Variants in MYL7 observed in about 807,000 individuals in gnomAD.
MYL7 encodes myosin regulatory light chain 2, atrial isoform.
A neutral mutation model predicts 22.5 loss-of-function variants in MYL7; 27 were observed. That is an observed-to-expected ratio of 1.20 (90% CI 0.89 to 1.66). The LOEUF is 1.66. Ranked by LOEUF, MYL7 falls within the 40% of genes most tolerant of loss-of-function variation. The probability of loss-of-function intolerance (pLI) is 0.00; values close to 1 mark genes in which losing one functional copy is unlikely to be tolerated. For missense variants in MYL7, 209 were observed against 226.8 expected (o/e 0.92, Z 0.50); for synonymous variants, 81 against 84.4 (o/e 0.96, Z 0.22).
Position 44,140,863 on chromosome 7 carries a change from G to T in MYL7, c.118-76C>A, listed in dbSNP as rs545291990. ...TGGGAGGTGGGGGAGAGACCTGGGT[G>T]GTGTGAGAGGCAAGGTCAGGGTAGA... On this transcript the variant is annotated intron_variant, in intron 2 of 6. Coordinates refer to ENST00000223364, the MANE Select transcript of MYL7 (RefSeq NM_021223.3). The T allele has an allele frequency of 1.3e-5, 21 of 1,590,678 alleles. No individual in the cohort carries two copies. In the African/African-American group the frequency reaches 2.4e-4, roughly 19 times the overall value.
At chr7:44,139,657 A>C in intron 5 of MYL7, 88 bp from the exon 6 acceptor site, 1 of 1,570,686 alleles carries the variant, frequency 6.4e-7, no homozygotes, top group Non-Finnish European at 8.7e-7. Flanking sequence ...GGCGCAGGGA[A>C]GGGTTGGCTG....
Position 44,141,146 on chromosome 7 carries a change from C to T in MYL7, c.4-72G>A. On this transcript the variant is annotated intron_variant, in intron 1 of 6. Transcript: ENST00000223364. ...GTCTCCCCACCCCACCCATCATGCA[C>T]AGTCCCAGAGCATTCCCAGGAGAGC... 5 of 1,574,756 alleles carry T rather than the reference C, an allele frequency of 3.2e-6. No individual in the cohort carries two copies. In the South Asian group the frequency reaches 4.4e-5, roughly 14 times the overall value.
intron 4 of MYL7, 36 bp downstream of exon 4, chr7:44,140,286 GC>G: frequency 6.3e-7 from 1 of 1,577,996 alleles, no homozygotes; most frequent in African/African-American, 1.3e-5. Flanking sequence ...CAGGCTCCCT[GC>G]CTGGCCAAGG....
chr7:44,139,945 C>T (rs1583582790), intron 4 of MYL7, 85 bp from the exon 5 acceptor site: 14 of 1,215,436 alleles, frequency 1.2e-5, no homozygotes, highest in East Asian at 2.6e-5. Context: ...CATGAGGAGC[C>T]TCCCACATCC....
rs75018391 is a variant in MYL7 at position 44,138,899 on chromosome 7, C to A, written c.*22G>T. The A allele has an allele frequency of 2.9e-5, 47 of 1,594,544 alleles. No homozygotes were observed. The highest frequency in any genetic ancestry group is 1.1e-4 in the East Asian group (5 of 44,776). ...GCAACAGAGTTTATTGAGGTGCCCC[C>A]CCGTGGGCCTGGCCCTGCCCCTCAT... On this transcript the variant is annotated 3_prime_UTR_variant, in exon 7 of 7. Coordinates refer to ENST00000223364, the MANE Select transcript of MYL7 (RefSeq NM_021223.3).
In MYL7 at chr7:44,140,396, G is replaced by A. The variant is rs374534131; in HGVS notation, c.225C>T (p.Asp75=). 1,443 of 1,613,948 alleles carry A rather than the reference G, an allele frequency of 8.9e-4. 29 individuals are homozygous for A. In the South Asian group the frequency reaches 0.014, roughly 16 times the overall value. Residue 75 remains aspartate, a synonymous_variant, in exon 4 of 7, where the codon GAC becomes GAT. Transcript: ENST00000223364. ...GKVSVPEEEL[D]AMLQEGKGPI... Reference sequence around the variant, plus strand: ...GGCCCTTGCCCTCTTGCAGCATGGCGTCCAGCTCCTCCTCTGGGACACTCA... The same window carrying A: ...GGCCCTTGCCCTCTTGCAGCATGGCATCCAGCTCCTCCTCTGGGACACTCA...
rs761867851 is a variant in MYL7, at chr7:44,138,894, G to GC, written c.*26dup. On this transcript the variant is annotated 3_prime_UTR_variant, in exon 7 of 7. Transcript: ENST00000223364. ...ATTTTGCAACAGAGTTTATTGAGGT[G>GC]CCCCCCCGTGGGCCTGGCCCTGCCC... is the stretch of plus-strand genomic sequence containing the variant. 69 of 1,577,956 alleles carry GC rather than the reference G, an allele frequency of 4.4e-5. No homozygotes were observed. Among genetic ancestry groups the GC allele is most frequent in the African/African-American group, 2.3e-4 (17 of 74,150 alleles).
At chr7:44,140,491 G>T (rs564448793) in intron 3 of MYL7, 64 bp from the exon 4 acceptor site, 10 of 1,419,754 alleles carry the variant, frequency 7.0e-6, no homozygotes, top group African/African-American at 2.8e-5. Context: ...GGCCCAGGCC[G>T]CCCTCCCTCC....
chr7:44,140,420 C>T lies in MYL7; in HGVS notation c.201G>A (p.Val67=). 1.2e-6 allele frequency: 2 copies of T among 1,613,390 alleles called. No individual in the cohort carries two copies. Among genetic ancestry groups the T allele is most frequent in the Non-Finnish European group, 1.7e-6 (2 of 1,179,690 alleles). Residue 67 remains valine, a synonymous_variant, in exon 4 of 7, where the codon GTG becomes GTA. Transcript: ENST00000223364. The part of the protein sequence containing the change: ...LRETYSQLGK[V]SVPEEELDAM... ...CGTCCAGCTCCTCCTCTGGGACACTCACCTTCCCTGGTGGGGGTGGGGCAT... is the reference window on the plus strand; with the variant it reads ...CGTCCAGCTCCTCCTCTGGGACACTTACCTTCCCTGGTGGGGGTGGGGCAT...
chr7:44,139,825 G>A lies in MYL7; in HGVS notation c.334C>T (p.Arg112Cys), dbSNP rs775993597. The change falls in exon 5 of 7, where the codon CGC becomes TGC. Residue 112 changes from arginine (R) to cysteine (C), a missense_variant. Transcript: ENST00000223364. ...CCTTTGCCGCTGGGGTCAAACATGCGGAAGGCACTCAGGATGGCTTCCTCG... is the reference window on the plus strand; with the variant it reads ...CCTTTGCCGCTGGGGTCAAACATGCAGAAGGCACTCAGGATGGCTTCCTCG... ...DPEEAILSAF[R>C]MFDPSGKGVV... The A allele has an allele frequency of 1.1e-5, 18 of 1,611,538 alleles. No homozygotes were observed. Among genetic ancestry groups the A allele is most frequent in the Middle Eastern group, 1.8e-4 (1 of 5,496 alleles).
At position 44,140,346 on chromosome 7, in the gene MYL7, G is replaced by A. The variant is rs142668114; in HGVS notation, c.275C>T (p.Thr92Met). 1.7e-5 allele frequency: 27 copies of A among 1,613,892 alleles called. No homozygotes were observed. The highest frequency in any genetic ancestry group is 4.4e-5 in the South Asian group (4 of 91,088). Reference sequence around the variant, plus strand: ...ACCATTGAGCTTCTCCCCAAAGAGCGTGAGGAAGACGGTGAAGTTGATGGG... The same window carrying A: ...ACCATTGAGCTTCTCCCCAAAGAGCATGAGGAAGACGGTGAAGTTGATGGG... ...KGPINFTVFL[T>M]LFGEKLNGTD... The change falls in exon 4 of 7, where the codon ACG becomes ATG. Residue 92 changes from threonine (T) to methionine (M), a missense_variant. Physicochemically the swap from Thr to Met is moderately conservative, Grantham distance 81. Coordinates refer to ENST00000223364, the MANE Select transcript of MYL7 (RefSeq NM_021223.3).
At chr7:44,139,444 G>A (rs1373861702) in intron 6 of MYL7, 77 bp downstream of exon 6, 2 of 1,516,064 alleles carry the variant, frequency 1.3e-6, no homozygotes, top group Non-Finnish European at 1.8e-6. Context: ...TGCCTCACTG[G>A]TACTGGGCTC....
At chr7:44,139,936 A>G in intron 4 of MYL7, 76 bp from the exon 5 acceptor site, 1 of 1,318,222 alleles carries the variant, frequency 7.6e-7, no homozygotes, top group Non-Finnish European at 1.0e-6. Context: ...ACTGGGCTGC[A>G]TGAGGAGCCT....
In MYL7 at chr7:44,140,320, C is replaced by T. The variant is rs201923002; in HGVS notation, c.298+3G>A. 1.8e-4 allele frequency: 293 copies of T among 1,613,262 alleles called. No individual in the cohort carries two copies. The highest frequency in any genetic ancestry group is 2.2e-4 in the Non-Finnish European group (259 of 1,179,490). On this transcript the variant is annotated splice_donor_region_variant and intron_variant, in intron 4 of 6. Transcript: ENST00000223364. ...AGGGTGCCCAGCTCTGTCCCAGGCT[C>T]ACCATTGAGCTTCTCCCCAAAGAGC...
In MYL7 at chr7:44,140,424, T is replaced by C. The variant is rs2096263927; in HGVS notation, c.197A>G (p.Lys66Arg). The C allele has an allele frequency of 5.0e-6, 8 of 1,612,784 alleles. No homozygotes were observed. The highest frequency in any genetic ancestry group is 5.9e-6 in the Non-Finnish European group (7 of 1,179,274). Reference protein sequence around the residue: ...DLRETYSQLGKVSVPEEELDA... With the variant: ...DLRETYSQLGRVSVPEEELDA... ...CAGCTCCTCCTCTGGGACACTCACCTTCCCTGGTGGGGGTGGGGCATGAGG... is the reference window on the plus strand; with the variant it reads ...CAGCTCCTCCTCTGGGACACTCACCCTCCCTGGTGGGGGTGGGGCATGAGG... The change falls in exon 4 of 7, where the codon AAG (lysine) becomes AGG (arginine). Residue 66 changes from lysine to arginine, a missense_variant. Lys to Arg is a conservative substitution (Grantham distance 26). Coordinates refer to ENST00000223364, the MANE Select transcript of MYL7 (RefSeq NM_021223.3).
At position 44,140,702 on chromosome 7, in the gene MYL7, G is replaced by C; in HGVS notation, c.193+10C>G. ...CCCCAGTGCGCAGGGTGGGAGGTGGGTGCACGCACCCAGCTGGGAGTAGGT... is the reference window on the plus strand; with the variant it reads ...CCCCAGTGCGCAGGGTGGGAGGTGGCTGCACGCACCCAGCTGGGAGTAGGT... On this transcript the variant is annotated intron_variant, in intron 3 of 6. Coordinates refer to ENST00000223364, the MANE Select transcript of MYL7 (RefSeq NM_021223.3). The C allele has an allele frequency of 6.3e-7, 1 of 1,596,442 alleles. No homozygotes were observed.
At chr7:44,140,034 C>T (rs952712530) in intron 4 of MYL7, among the ~76,000 whole-genome samples, 174 bp from the exon 5 acceptor site, 3 of 152,172 alleles carry the variant, frequency 2.0e-5, no homozygotes, top group Admixed American at 6.5e-5. Flanking sequence ...CCTCCTGAGG[C>T]GGGCAGCTTG....
At position 44,141,110 on chromosome 7, in the gene MYL7, A is replaced by C. The variant is rs2096265133; in HGVS notation, c.4-36T>G. On this transcript the variant is annotated intron_variant, in intron 1 of 6. Transcript: ENST00000223364. Reference sequence around the variant, plus strand: ...GTGAGTAGGGAGGGGTCCTCTCCCCAACTCCTCAGAGTCTCCCCACCCCAC... The same window carrying C: ...GTGAGTAGGGAGGGGTCCTCTCCCCCACTCCTCAGAGTCTCCCCACCCCAC... The C allele has an allele frequency of 1.4e-5, 22 of 1,601,362 alleles. No individual in the cohort carries two copies. In the East Asian group the frequency reaches 4.9e-4, roughly 36 times the overall value.
At chr7:44,141,243 C>T (rs1583585352) in intron 1 of MYL7, 60 bp downstream of exon 1, 1 of 1,613,774 alleles carries the variant, frequency 6.2e-7, no homozygotes, top group Non-Finnish European at 8.5e-7. Context: ...ACTCTGCTCC[C>T]CCAGCCCAAA....
Sources: allele counts gnomAD v4.1 joint callset (sites outside exome capture counted in the v4.1 genomes callset), GRCh38; gene constraint gnomAD v4.1.1; transcripts MANE v1.5; gene names NCBI Gene and HGNC (gene_info 2026-07-23, HGNC 2026-07-21).